PHC2: variants seen among roughly 807,000 people sequenced by gnomAD.
PHC2 encodes polyhomeotic-like protein 2.
Under a neutral mutation model 87.4 loss-of-function variants are expected in PHC2, and 29 were observed. That is an observed-to-expected ratio of 0.33 (90% CI 0.25 to 0.45). The LOEUF is 0.45. Ranked by LOEUF, PHC2 falls within the 20% of genes least tolerant of loss-of-function variation. The pLI is 1.00. For synonymous variants in PHC2, 438 were observed against 461.7 expected (o/e 0.95, Z 0.66); for missense variants, 857 against 1,136.7 (o/e 0.75, Z 3.54).
At chr1:33,343,329 G>A (rs923615908) in intron 9 of PHC2, among the ~76,000 whole-genome samples, 10 of 151,852 alleles carry the variant, frequency 6.6e-5, no homozygotes, top group Admixed American at 6.6e-4. Flanking sequence ...AAATAACTGG[G>A]TGTGGTGGCG....
rs1222373016 is a variant in PHC2 at position 33,332,759 on chromosome 1, CAG to C, written c.1762-357_1762-356del. On this transcript the variant is annotated intron_variant, in intron 10 of 14. Coordinates refer to ENST00000683057, the MANE Select transcript of PHC2 (RefSeq NM_001385109.1). The surrounding 1 kb of genome is among the most constrained non-coding windows in gnomAD (Gnocchi z 4.2). Reference sequence around the variant, plus strand: ...GTACCCACGCATCTCCAGGCAAGGACAGAGCGGAGTCTGTGTGAGGCTGTACA... The same window carrying C: ...GTACCCACGCATCTCCAGGCAAGGACAGCGGAGTCTGTGTGAGGCTGTACA... 6.6e-6 allele frequency among the ~76,000 whole-genome samples: 1 copy of C among 152,178 alleles called. No individual in the cohort carries two copies. Among genetic ancestry groups the C allele is most frequent in the African/African-American group, 2.4e-5 (1 of 41,424 alleles).
intron 1 of PHC2, among the ~76,000 whole-genome samples, chr1:33,395,284 C>T (rs1238623959): frequency 6.6e-6 from 1 of 151,884 alleles, no homozygotes; most frequent in African/African-American, 2.4e-5. Context: ...GTGGTTGCCT[C>T]TGTGGGGTAC....
In PHC2 at chr1:33,324,824, G is replaced by C. The variant is rs755486479; in HGVS notation, c.*41C>G. ...ATGTCTGTCTGGCTCTGCTCAGTCG[G>C]GAGGAGGCGCCCTGGGCCAGAATCC... On this transcript the variant is annotated 3_prime_UTR_variant, in exon 15 of 15. Coordinates refer to ENST00000683057, the MANE Select transcript of PHC2 (RefSeq NM_001385109.1). The C allele has an allele frequency of 1.9e-6, 3 of 1,586,506 alleles. No individual in the cohort carries two copies. The highest frequency in any genetic ancestry group is 2.3e-5 in the South Asian group (2 of 87,474).
Position 33,329,159 on chromosome 1 carries a change from A to T in PHC2, c.2149-13T>A, listed in dbSNP as rs1278650339. 6.2e-7 allele frequency: 1 copy of T among 1,606,574 alleles called. No individual in the cohort carries two copies. The highest frequency in any genetic ancestry group is 8.5e-7 in the Non-Finnish European group (1 of 1,174,850). On this transcript the variant is annotated splice_polypyrimidine_tract_variant and intron_variant, in intron 13 of 14. Coordinates refer to ENST00000683057, the MANE Select transcript of PHC2 (RefSeq NM_001385109.1). ...CAGTGCCTGTTGGCTGGGAGCAGAG[A>T]GTTTTCTTCAGGATGGGGGAACAAA...
intron 9 of PHC2, chr1:33,335,162 ATG>A (rs1646600822): frequency 1.0e-6 from 1 of 983,908 alleles, no homozygotes; most frequent in Non-Finnish European, 1.2e-6. Context: ...GTGAGATTAC[ATG>A]CCTATACACA....
chr1:33,384,699 T>A (rs1450415439), intron 1 of PHC2, among the ~76,000 whole-genome samples: 1 of 152,240 alleles, frequency 6.6e-6, no homozygotes, highest in Non-Finnish European at 1.5e-5. Flanking sequence ...AGTTCAGCTA[T>A]AACGTCTGTT....
At chr1:33,418,782 T>A (rs925720752) in intron 1 of PHC2, among the ~76,000 whole-genome samples, 2 of 152,100 alleles carry the variant, frequency 1.3e-5, no homozygotes, top group Admixed American at 6.6e-5. Context: ...CACAAGGATA[T>A]TTAGAAGAGA....
chr1:33,362,997 A>C (rs1647237677), intron 7 of PHC2: 1 of 152,256 alleles, frequency 6.6e-6, no homozygotes, highest in Admixed American at 6.5e-5. Context: ...TAAGTGAGAT[A>C]TGTAGGTAAA....
intron 1 of PHC2, among the ~76,000 whole-genome samples, chr1:33,415,824 A>G (rs922367542): frequency 6.6e-6 from 1 of 152,244 alleles, no homozygotes; most frequent in Admixed American, 6.5e-5. Context: ...TAAAAAAGAC[A>G]TAAATTAAAC....
intron 10 of PHC2, chr1:33,333,270 A>C (rs1461068358): frequency 6.6e-6 from 1 of 152,248 alleles, no homozygotes; most frequent in Non-Finnish European, 1.5e-5. Flanking sequence ...CATCTCAGTT[A>C]ATCAAGCTCC....
chr1:33,381,291 C>T (rs1365347832), intron 1 of PHC2, among the ~76,000 whole-genome samples: 1 of 152,074 alleles, frequency 6.6e-6, no homozygotes, highest in Non-Finnish European at 1.5e-5. Context: ...TGCTTCGTTC[C>T]ATAGATGTTT....
In PHC2 at chr1:33,325,932, C is replaced by T. The variant is rs1365008191; in HGVS notation, c.2426-913G>A. ...TTTGAGAGACTGTATATAGAAGTCT[C>T]ATGGCCTTTAGGGAAGCTGCTGGGG... On this transcript the variant is annotated intron_variant, in intron 14 of 14. Transcript: ENST00000683057. 3 of 456,394 alleles carry T rather than the reference C, an allele frequency of 6.6e-6. No individual in the cohort carries two copies. In the Admixed American group the frequency reaches 7.0e-5, roughly 11 times the overall value. The allele number at this position is 456,394 out of a possible 1,614,324, so 28.3% of individuals were successfully genotyped here.
rs751676989 is a variant in PHC2 at position 33,372,347 on chromosome 1, G to A, written c.275C>T (p.Ala92Val). 1.9e-6 allele frequency: 3 copies of A among 1,603,846 alleles called. No homozygotes were observed. The highest frequency in any genetic ancestry group is 1.7e-5 in the Admixed American group (1 of 59,292). Residue 92 changes from alanine (A) to valine (V), a missense_variant, in exon 3 of 15, where the codon GCG becomes GTG. By Grantham distance (64) the Ala-to-Val change is moderately conservative. This residue lies in a region of PHC2 where 832 missense variants were observed against 1,081.8 expected (regional missense o/e 0.77). Transcript: ENST00000683057. ...GCTGCTGAGGTGCTGCTGCTGGAGC[G>A]CCGCGGTCTGCAGCATGAGGTGCTG... ...QQQHLMLQTA[A>V]LQQQHLSSAQ... is the part of the protein sequence containing the mutation.
rs879363954 is a variant in PHC2, at chr1:33,331,966, C to T, written c.1891+309G>A. 1.3e-5 allele frequency among the ~76,000 whole-genome samples: 2 copies of T among 152,132 alleles called. No homozygotes were observed. Among genetic ancestry groups the T allele is most frequent in the South Asian group, 2.1e-4 (1 of 4,824 alleles). On this transcript the variant is annotated intron_variant, in intron 11 of 14. Coordinates refer to ENST00000683057, the MANE Select transcript of PHC2 (RefSeq NM_001385109.1). This position sits in a 1 kb window ranked among gnomAD's most constrained non-coding sequence, Gnocchi z 5.2. ...GCTGGCCCCAGTCTCAAGGCAGGGA[C>T]GAAGGGCAGGACTTGCCTGGGGCCA...
Position 33,419,649 on chromosome 1 carries a change from G to A in PHC2, c.-55+11327C>T, listed in dbSNP as rs578260191. On this transcript the variant is annotated intron_variant, in intron 1 of 14. Coordinates refer to ENST00000683057, the MANE Select transcript of PHC2 (RefSeq NM_001385109.1). ...TTTTGAGACGGAGTCTCGCTCTGTT[G>A]CCCAGGCTGGAGTGCAGTGGCGCGA... Among the ~76,000 whole-genome samples, 191 of 151,912 alleles carry A rather than the reference G, an allele frequency of 1.3e-3. 1 individual carries two copies. Among genetic ancestry groups the A allele is most frequent in the Non-Finnish European group, 2.2e-3 (152 of 67,946 alleles).
intron 1 of PHC2, among the ~76,000 whole-genome samples, chr1:33,411,390 C>G (rs1216677243): frequency 6.6e-6 from 1 of 151,208 alleles, no homozygotes; most frequent in Non-Finnish European, 1.5e-5. Flanking sequence ...TCTAAACTAC[C>G]TTAAGATACT....
At chr1:33,346,693 G>C in intron 9 of PHC2, 1 of 985,364 alleles carries the variant, frequency 1.0e-6, no homozygotes, top group Non-Finnish European at 1.2e-6. Flanking sequence ...ATCCATGCTG[G>C]ATGAAAGTGA....
At chr1:33,420,100 G>A (rs1650375089) in intron 1 of PHC2, among the ~76,000 whole-genome samples, 1 of 152,188 alleles carries the variant, frequency 6.6e-6, no homozygotes, top group Non-Finnish European at 1.5e-5. Context: ...TATCACTAGG[G>A]AAGGCTGATG....
At chr1:33,371,397 TATCACACCCGGCCACCACC>T (rs1339439837) in intron 3 of PHC2, among the ~76,000 whole-genome samples, 1 of 151,428 alleles carries the variant, frequency 6.6e-6, no homozygotes, top group Admixed American at 6.6e-5. Context: ...ACTCCACCAC[TATCACACCCGGCCACCACC>T]ATCACACCCA....
Sources: allele counts gnomAD v4.1 joint callset (sites outside exome capture counted in the v4.1 genomes callset), GRCh38; gene constraint gnomAD v4.1.1; regional missense constraint gnomAD v4.1.1; non-coding constraint Gnocchi (gnomAD v3.1); transcripts MANE v1.5; gene names NCBI Gene and HGNC (gene_info 2026-07-23, HGNC 2026-07-21).